The following ATP10B variants were observed in gnomAD, a reference collection of about 807,000 sequenced individuals.
ATP10B encodes the protein phospholipid-transporting ATPase VB.
ATP10B carries 122 observed loss-of-function variants against 141.2 expected under a neutral mutation model. That is an observed-to-expected ratio of 0.86 (90% CI 0.75 to 1.00). ATP10B has a LOEUF of 1.00. ATP10B is among the 50% of genes least tolerant of loss of function. The probability of loss-of-function intolerance (pLI) is 0.00; values close to 1 mark genes in which losing one functional copy is unlikely to be tolerated. For synonymous variants in ATP10B, 685 were observed against 692.0 expected (o/e 0.99, Z 0.16); for missense variants, 1,876 against 1,825.3 (o/e 1.03, Z -0.51).
intron 7 of ATP10B, among the ~76,000 whole-genome samples, chr5:160,651,722 C>T (rs1270939026): frequency 2.6e-5 from 4 of 151,990 alleles, no homozygotes; most frequent in African/African-American, 7.3e-5. Context: ...ATATACTGTC[C>T]ATTGGATTTG....
At chr5:160,601,697 A>C (rs1757106406) in intron 21 of ATP10B, among the ~76,000 whole-genome samples, 1 of 152,176 alleles carries the variant, frequency 6.6e-6, no homozygotes, top group East Asian at 1.9e-4. Context: ...ACAGAATTAT[A>C]GTTTCCCCAT....
chr5:160,923,598 G>A, the ATP10B span, among the ~76,000 whole-genome samples: 1 of 152,160 alleles, frequency 6.6e-6, no homozygotes, highest in African/African-American at 2.4e-5. Flanking sequence ...ACATTAAAGA[G>A]GATGATGTCC....
At chr5:160,704,041 G>A (rs1380262396) in intron 3 of ATP10B, among the ~76,000 whole-genome samples, 1 of 152,116 alleles carries the variant, frequency 6.6e-6, no homozygotes, top group Non-Finnish European at 1.5e-5. Context: ...GGAGTTCAGT[G>A]CCATGATCAC....
chr5:160,926,533 T>C, the ATP10B span, among the ~76,000 whole-genome samples: 1 of 152,162 alleles, frequency 6.6e-6, no homozygotes, highest in Non-Finnish European at 1.5e-5. Flanking sequence ...GGATCAGATA[T>C]AAAATCAGAT....
At chr5:160,678,997 T>C (rs1763213049) in intron 6 of ATP10B, among the ~76,000 whole-genome samples, 1 of 152,212 alleles carries the variant, frequency 6.6e-6, no homozygotes, top group South Asian at 2.1e-4. Flanking sequence ...CTGAACACCT[T>C]TTCACAAAAT....
At chr5:160,819,318 A>G (rs893852407) in intron 1 of ATP10B, among the ~76,000 whole-genome samples, 2 of 152,154 alleles carry the variant, frequency 1.3e-5, no homozygotes, top group African/African-American at 2.4e-5. Flanking sequence ...CTAGAGTAGT[A>G]TATCTGGCAA....
At chr5:160,643,997 T>C (rs1220660557) in intron 9 of ATP10B, 141 bp downstream of exon 9, 4 of 664,666 alleles carry the variant, frequency 6.0e-6, no homozygotes, top group Non-Finnish European at 1.1e-5. Flanking sequence ...CAGCCTCCGT[T>C]TGCTTAGTTG....
At chr5:160,707,576 T>C (rs1765091506) in intron 3 of ATP10B, among the ~76,000 whole-genome samples, 1 of 152,246 alleles carries the variant, frequency 6.6e-6, no homozygotes, top group African/African-American at 2.4e-5. Flanking sequence ...GCGCATGTTA[T>C]GTTCTGAATA....
intron 1 of ATP10B, among the ~76,000 whole-genome samples, chr5:160,794,130 GAC>G (rs1228138308): frequency 6.6e-6 from 1 of 152,080 alleles, no homozygotes; most frequent in African/African-American, 2.4e-5. Context: ...ACATATAATT[GAC>G]AGTTTTTGAG....
the ATP10B span, among the ~76,000 whole-genome samples, chr5:160,911,042 T>A: frequency 6.6e-6 from 1 of 152,210 alleles, no homozygotes; most frequent in African/African-American, 2.4e-5. Flanking sequence ...TATTCCTTCA[T>A]AGCAACACAA....
At chr5:160,690,651 A>G (rs530057008) in intron 3 of ATP10B, among the ~76,000 whole-genome samples, 3 of 152,342 alleles carry the variant, frequency 2.0e-5, no homozygotes, top group South Asian at 2.1e-4. Flanking sequence ...CAAAACCACA[A>G]TGAGATACCA....
chr5:160,635,829 G>A (rs140608402), intron 11 of ATP10B, among the ~76,000 whole-genome samples: 54 of 152,158 alleles, frequency 3.5e-4, no homozygotes, highest in African/African-American at 1.1e-3. Context: ...GTTCTCTGTC[G>A]CTCACTGTGC....
intron 1 of ATP10B, among the ~76,000 whole-genome samples, chr5:160,812,014 C>CGGAGACACAGAGAGAGAG (rs1773190805): frequency 8.5e-6 from 1 of 117,934 alleles, no homozygotes; most frequent in Non-Finnish European, 1.8e-5. Flanking sequence ...GAGACAGAGA[C>CGGAGACACAGAGAGAGAG]AGAGACAGAG....
chr5:160,771,672 A>ACT (rs10631419), intron 2 of ATP10B, among the ~76,000 whole-genome samples: 23,704 of 151,930 alleles, frequency 0.16, 2,664 homozygotes, highest in East Asian at 0.43. Context: ...ACCTAAATCT[A>ACT]CTCTTACCAA....
intron 18 of ATP10B, 64 bp downstream of exon 18, chr5:160,612,677 T>A: frequency 6.9e-7 from 1 of 1,446,546 alleles, no homozygotes; most frequent in Non-Finnish European, 9.5e-7. Flanking sequence ...GCCTGTGTCC[T>A]CTTGGTTGAG....
At chr5:160,718,188 C>T (rs1462301865) in intron 2 of ATP10B, among the ~76,000 whole-genome samples, 4 of 152,206 alleles carry the variant, frequency 2.6e-5, no homozygotes, top group Non-Finnish European at 4.4e-5. Context: ...TGGATGCGTA[C>T]ACTGACGTCC....
the ATP10B span, among the ~76,000 whole-genome samples, chr5:160,885,078 T>C: frequency 1.3e-5 from 2 of 152,230 alleles, no homozygotes; most frequent in Non-Finnish European, 2.9e-5. Flanking sequence ...TTTTGCATTA[T>C]GTTTGATCCC....
At chr5:160,746,947 A>G (rs79615232) in intron 2 of ATP10B, among the ~76,000 whole-genome samples, 4,708 of 152,306 alleles carry the variant, frequency 0.031, 237 homozygotes, top group African/African-American at 0.11. Flanking sequence ...TTGACTGCCC[A>G]TGGCTCTGCC....
intron 13 of ATP10B, among the ~76,000 whole-genome samples, chr5:160,629,440 G>A (rs1225642815): frequency 6.6e-6 from 1 of 152,174 alleles, no homozygotes; most frequent in Non-Finnish European, 1.5e-5. Flanking sequence ...GCCTGCTTAT[G>A]GAGGGTCCCC....
Sources: gnomAD v4.1 joint callset for allele counts (sites outside exome capture counted in the v4.1 genomes callset) on GRCh38, gnomAD v4.1.1 for gene constraint, MANE v1.5 for transcripts, NCBI Gene and HGNC (gene_info 2026-07-23, HGNC 2026-07-21) for gene names.